Variants in PTPRD observed in about 807,000 individuals in gnomAD.
The protein encoded by PTPRD is receptor-type tyrosine-protein phosphatase delta.
A neutral mutation model predicts 214.5 loss-of-function variants in PTPRD; 34 were observed. The ratio of observed to expected loss-of-function variants is 0.16; its 90% confidence interval spans 0.12 to 0.21. PTPRD has a LOEUF of 0.21. Ranked by LOEUF, PTPRD falls within the 10% of genes least tolerant of loss-of-function variation. The pLI is 1.00. For synonymous variants in PTPRD, 1,128 were observed against 845.7 expected, an observed-to-expected ratio of 1.33 and a Z score of -5.79; for missense variants, 2,545 against 2,398.7, an observed-to-expected ratio of 1.06 and a Z score of -1.27.
intron 11 of PTPRD, among the ~76,000 whole-genome samples, chr9:8,905,022 C>A (rs919486408): frequency 6.6e-6 from 1 of 152,098 alleles, no homozygotes; most frequent in Admixed American, 6.5e-5. Context: ...AGAAGAAAAA[C>A]ACTTCAAGAT....
At chr9:10,226,047 T>C (rs2099587801) in intron 3 of PTPRD, among the ~76,000 whole-genome samples, 1 of 152,034 alleles carries the variant, frequency 6.6e-6, no homozygotes, top group Non-Finnish European at 1.5e-5. Flanking sequence ...TGCTACATAA[T>C]GTATAGATTC....
At chr9:8,658,908 C>T (rs1215172292) in intron 12 of PTPRD, among the ~76,000 whole-genome samples, 2 of 152,094 alleles carry the variant, frequency 1.3e-5, no homozygotes, top group Non-Finnish European at 1.5e-5. Flanking sequence ...AGACAATTAA[C>T]TAAAATGCTA....
At chr9:9,244,607 C>A (rs539577085) in intron 9 of PTPRD, among the ~76,000 whole-genome samples, 1 of 152,278 alleles carries the variant, frequency 6.6e-6, no homozygotes, top group African/African-American at 2.4e-5. Flanking sequence ...AAACTGGAAC[C>A]CTTCCTTACA....
intron 11 of PTPRD, among the ~76,000 whole-genome samples, chr9:8,865,969 G>A (rs753459832): frequency 2.6e-5 from 4 of 152,122 alleles, no homozygotes; most frequent in Non-Finnish European, 4.4e-5. Context: ...AAAAGAATTT[G>A]ATCAGTTCAG....
chr9:10,001,633 A>T (rs1191865459), intron 4 of PTPRD, among the ~76,000 whole-genome samples: 4 of 152,196 alleles, frequency 2.6e-5, no homozygotes, highest in Non-Finnish European at 5.9e-5. Flanking sequence ...ACTATCACAT[A>T]AGAATTCTCT....
chr9:10,052,550 C>T (rs1415683849), intron 3 of PTPRD, among the ~76,000 whole-genome samples: 1 of 152,128 alleles, frequency 6.6e-6, no homozygotes, highest in African/African-American at 2.4e-5. Flanking sequence ...TATTGTAAAA[C>T]TGGGTATTTT....
intron 2 of PTPRD, among the ~76,000 whole-genome samples, chr9:10,449,252 G>C (rs922058331): frequency 6.6e-6 from 1 of 151,850 alleles, no homozygotes; most frequent in Non-Finnish European, 1.5e-5. Context: ...CGTTGGCCGG[G>C]CTGGTCTCCA....
At chr9:9,879,538 G>T (rs1471999718) in intron 5 of PTPRD, among the ~76,000 whole-genome samples, 1 of 152,172 alleles carries the variant, frequency 6.6e-6, no homozygotes, top group East Asian at 1.9e-4. Context: ...GAAGAAAAAG[G>T]TAAAATTGAA....
rs147264735 is a variant in PTPRD at position 10,400,706 on chromosome 9, T to G, written c.-599-59689A>C. 4.4e-3 allele frequency among the ~76,000 whole-genome samples: 666 copies of G among 151,766 alleles called. 2 individuals are homozygous for G. The highest frequency in any genetic ancestry group is 0.01 in the Admixed American group (157 of 15,180). ...AAAAATAATAATAATCAGAGTAATT[T>G]TAAACATATTAAAATTATCAAAAAT... On this transcript the variant is annotated intron_variant, in intron 2 of 45. Transcript: ENST00000381196.
At chr9:9,533,789 G>T (rs191142057) in intron 8 of PTPRD, among the ~76,000 whole-genome samples, 28 of 152,048 alleles carry the variant, frequency 1.8e-4, no homozygotes, top group African/African-American at 6.7e-4. Flanking sequence ...TGATGTATAC[G>T]TGCATGTTTT....
intron 11 of PTPRD, among the ~76,000 whole-genome samples, chr9:8,984,538 T>C (rs554868102): frequency 1.4e-4 from 22 of 152,206 alleles, no homozygotes; most frequent in African/African-American, 5.3e-4. Flanking sequence ...AATAAATTCC[T>C]TGGGATGAGA....
At chr9:10,359,880 A>C (rs1264364127) in intron 2 of PTPRD, among the ~76,000 whole-genome samples, 1 of 152,184 alleles carries the variant, frequency 6.6e-6, no homozygotes, top group Non-Finnish European at 1.5e-5. Flanking sequence ...TAGAAGCTCC[A>C]AATCAAGAGT....
At chr9:8,998,293 G>A (rs58773367) in intron 11 of PTPRD, among the ~76,000 whole-genome samples, 1 of 151,950 alleles carries the variant, frequency 6.6e-6, no homozygotes, top group Non-Finnish European at 1.5e-5. Flanking sequence ...TCTTGTTAAG[G>A]ACTAATGCAG....
intron 11 of PTPRD, among the ~76,000 whole-genome samples, chr9:8,938,595 G>C (rs1007218327): frequency 6.6e-6 from 1 of 151,832 alleles, no homozygotes; most frequent in African/African-American, 2.4e-5. Context: ...ATTGCAGGTC[G>C]GTAAAATGCC....
At chr9:8,702,388 T>G (rs547319216) in intron 12 of PTPRD, among the ~76,000 whole-genome samples, 1 of 152,276 alleles carries the variant, frequency 6.6e-6, no homozygotes, top group East Asian at 1.9e-4. Context: ...TGGATCAGCA[T>G]AGTTGAGGTT....
At chr9:9,006,240 T>C (rs1336246741) in intron 11 of PTPRD, among the ~76,000 whole-genome samples, 1 of 151,978 alleles carries the variant, frequency 6.6e-6, no homozygotes, top group Non-Finnish European at 1.5e-5. Context: ...AGTCTGACTC[T>C]ATTATTCTAG....
intron 7 of PTPRD, among the ~76,000 whole-genome samples, chr9:9,719,641 A>C (rs2097900113): frequency 6.6e-6 from 1 of 152,194 alleles, no homozygotes; most frequent in Non-Finnish European, 1.5e-5. Flanking sequence ...CTGCTCTGCA[A>C]CATCCCCCTC....
Position 9,240,719 on chromosome 9 carries a change from A to G in PTPRD, c.-202-57356T>C, listed in dbSNP as rs1042116812. Among the ~76,000 whole-genome samples the G allele has an allele frequency of 2.6e-5, 4 of 152,312 alleles. No individual in the cohort carries two copies. The East Asian group carries it at 7.7e-4, about 29-fold the overall frequency. On this transcript the variant is annotated intron_variant, in intron 9 of 45. Coordinates refer to ENST00000381196, the MANE Select transcript of PTPRD (RefSeq NM_002839.4). ...TTATATTTACAGGTATGGTAGTAAT[A>G]CGAATGTTTCAAAATTGTATAAAAT...
chr9:9,624,829 T>TGA (rs1367522525), intron 7 of PTPRD, among the ~76,000 whole-genome samples: 3 of 57,076 alleles, frequency 5.3e-5, no homozygotes, highest in African/African-American at 2.2e-4. Context: ...ATAGATGCAT[T>TGA]GAAAAAAAAA....
Sources: gnomAD v4.1 joint callset for allele counts (sites outside exome capture counted in the v4.1 genomes callset) on GRCh38, gnomAD v4.1.1 for gene constraint, MANE v1.5 for transcripts, NCBI Gene and HGNC (gene_info 2026-07-23, HGNC 2026-07-21) for gene names.